The following CDH22 variants were observed in gnomAD, a reference collection of about 807,000 sequenced individuals.
The protein encoded by CDH22 is cadherin-22.
In CDH22, 30 loss-of-function variants were observed where a neutral mutation model predicts 58.4. The observed-to-expected ratio is 0.51, with a 90% CI of 0.38 to 0.70. The LOEUF is 0.70. Among genes scored for constraint, CDH22 ranks in the 30% least tolerant of loss-of-function variants. CDH22 has a pLI of 0.00. For missense variants in CDH22, 1,014 were observed against 1,233.9 expected (o/e 0.82, Z 2.67); for synonymous variants, 513 against 558.2 (o/e 0.92, Z 1.14).
chr20:46,187,178 C>T (rs1600686919), intron 8 of CDH22, among the ~76,000 whole-genome samples: 5 of 152,204 alleles, frequency 3.3e-5, no homozygotes, highest in Admixed American at 3.3e-4. Context: ...ATTATCACTA[C>T]AACGCTTGCC....
intron 4 of CDH22, 52 bp downstream of exon 4, chr20:46,227,456 C>T: frequency 2.3e-6 from 3 of 1,318,594 alleles, no homozygotes; most frequent in Non-Finnish European, 3.2e-6. Context: ...CGTCCCGCCC[C>T]GCCCCTGGCC....
At chr20:46,226,302 T>G (rs1211161838) in intron 4 of CDH22, among the ~76,000 whole-genome samples, 2 of 138,310 alleles carry the variant, frequency 1.4e-5, no homozygotes, top group African/African-American at 5.7e-5. Flanking sequence ...CTTTTTTTTT[T>G]TGAGACAGGG....
intron 8 of CDH22, among the ~76,000 whole-genome samples, chr20:46,191,255 G>A (rs2085860172): frequency 6.6e-6 from 1 of 152,136 alleles, no homozygotes; most frequent in Non-Finnish European, 1.5e-5. Context: ...ATTGTATGAG[G>A]GGGATGGGAA....
In CDH22 at chr20:46,278,327, C is replaced by A. The variant is rs556638569; in HGVS notation, c.-399-26634G>T. Among the ~76,000 whole-genome samples, 8 of 152,318 alleles carry A rather than the reference C, an allele frequency of 5.3e-5. No homozygotes were observed. In the South Asian group the frequency reaches 1.4e-3, roughly 28 times the overall value. On this transcript the variant is annotated intron_variant, in intron 1 of 11. Transcript: ENST00000537909. Reference sequence around the variant, plus strand: ...GGTTCTGTGCATCTCTGGTGCATTGCATGACCTTCAGTGAGTCCTCCCCAC... The same window carrying A: ...GGTTCTGTGCATCTCTGGTGCATTGAATGACCTTCAGTGAGTCCTCCCCAC...
chr20:46,303,686 C>T (rs1050553003), intron 1 of CDH22, among the ~76,000 whole-genome samples: 2 of 151,956 alleles, frequency 1.3e-5, no homozygotes, highest in African/African-American at 4.8e-5. Flanking sequence ...GAAGGTTGTT[C>T]AGGTGGAAGG....
Position 46,279,484 on chromosome 20 carries a change from T to C in CDH22, c.-399-27791A>G, listed in dbSNP as rs117635562. 2.1e-3 allele frequency among the ~76,000 whole-genome samples: 325 copies of C among 152,326 alleles called. 3 individuals are homozygous for C. The highest frequency in any genetic ancestry group is 3.9e-3 in the Non-Finnish European group (262 of 68,032). ...GAACCAGAGCTATATATGACAACAT[T>C]GATAGCTTTCAAAAACGTTGTTGGA... On this transcript the variant is annotated intron_variant, in intron 1 of 11. Coordinates refer to ENST00000537909, the MANE Select transcript of CDH22 (RefSeq NM_021248.3).
At chr20:46,307,164 T>C (rs2086681561) in intron 1 of CDH22, among the ~76,000 whole-genome samples, 1 of 151,860 alleles carries the variant, frequency 6.6e-6, no homozygotes, top group South Asian at 2.1e-4. Context: ...AGAGAAGAGG[T>C]TCCAAGGAGC....
chr20:46,208,845 G>A (rs534172594), intron 7 of CDH22, among the ~76,000 whole-genome samples: 2 of 152,174 alleles, frequency 1.3e-5, no homozygotes, highest in East Asian at 3.9e-4. Flanking sequence ...TGCCCGCCTC[G>A]GCCTCCCAAA....
chr20:46,177,555 C>A (rs1290211735), intron 11 of CDH22, among the ~76,000 whole-genome samples: 1 of 152,154 alleles, frequency 6.6e-6, no homozygotes. Context: ...ACCTCTCTGA[C>A]CCCCAGCGCT....
At chr20:46,179,217 C>T (rs1285338847) in intron 10 of CDH22, among the ~76,000 whole-genome samples, 3 of 152,226 alleles carry the variant, frequency 2.0e-5, no homozygotes, top group Non-Finnish European at 2.9e-5. Context: ...GCTGCCCCTC[C>T]CTTCACAGCC....
rs1050086585 is a variant in CDH22, at chr20:46,215,786, G to C, written c.838+1040C>G. On this transcript the variant is annotated intron_variant, in intron 5 of 11. Coordinates refer to ENST00000537909, the MANE Select transcript of CDH22 (RefSeq NM_021248.3). ...CCAGTTCAGAGCTCATTCAGAGCCTGGCACAAGTGGGCAGAAGACTGGGTG... is the reference window on the plus strand; with the variant it reads ...CCAGTTCAGAGCTCATTCAGAGCCTCGCACAAGTGGGCAGAAGACTGGGTG... 4.6e-5 allele frequency among the ~76,000 whole-genome samples: 7 copies of C among 152,364 alleles called. No individual in the cohort carries two copies. In the South Asian group the frequency reaches 1.4e-3, roughly 32 times the overall value.
chr20:46,213,005 A>G lies in CDH22; in HGVS notation c.1022T>C (p.Val341Ala), dbSNP rs2086055128. The change falls in exon 6 of 12, where the codon GTA becomes GCA. Residue 341 changes from valine (V) to alanine (A), a missense_variant. Around this residue, in one of 2 missense-constraint regions of CDH22, gnomAD observed 806 missense variants for 1,038.7 expected, o/e 0.78. Coordinates refer to ENST00000537909, the MANE Select transcript of CDH22 (RefSeq NM_021248.3). ...CTGAGGCAGCTGCACCTTCTGCACT[A>G]CGATGATGGCCTCCTGAGTGTCGCT... The part of the protein sequence containing the change: ...TDSDTQEAII[V>A]VQKRLDFESQ... The G allele has an allele frequency of 1.9e-6, 3 of 1,613,894 alleles. No homozygotes were observed. The highest frequency in any genetic ancestry group is 2.5e-6 in the Non-Finnish European group (3 of 1,179,920).
rs1014029034 is a variant in CDH22 at position 46,178,349 on chromosome 20, A to G, written c.1664-152T>C. 4 of 822,682 alleles carry G rather than the reference A, an allele frequency of 4.9e-6. No individual in the cohort carries two copies. In the African/African-American group the frequency reaches 5.2e-5, roughly 11 times the overall value. The allele number at this position is 822,682 out of a possible 1,614,324, so 51.0% of individuals were successfully genotyped here. On this transcript the variant is annotated intron_variant, in intron 10 of 11. Transcript: ENST00000537909. ...CATGGGTCTCTTCTCTGATCTCCCA[A>G]AATTCTATTACCAGATGCCTCCAAA...
At chr20:46,197,715 C>T (rs1344387420) in intron 8 of CDH22, among the ~76,000 whole-genome samples, 2 of 152,362 alleles carry the variant, frequency 1.3e-5, no homozygotes, top group East Asian at 3.9e-4. Context: ...ATCTCCCTTT[C>T]ATGCGGTAGA....
chr20:46,265,001 C>T (rs1321738858), intron 1 of CDH22, among the ~76,000 whole-genome samples: 1 of 152,182 alleles, frequency 6.6e-6, no homozygotes, highest in Non-Finnish European at 1.5e-5. Flanking sequence ...CCTCAGGTGC[C>T]CCTGGCCTGC....
chr20:46,218,272 C>T (rs2086099848), intron 4 of CDH22, among the ~76,000 whole-genome samples: 1 of 152,212 alleles, frequency 6.6e-6, no homozygotes, highest in Admixed American at 6.5e-5. Context: ...ATTGCACCTG[C>T]ATTTTCTCAC....
intron 4 of CDH22, among the ~76,000 whole-genome samples, chr20:46,225,190 T>G (rs1252662935): frequency 6.6e-6 from 1 of 152,244 alleles, no homozygotes; most frequent in Non-Finnish European, 1.5e-5. Context: ...GCATGTGCTC[T>G]TTGACCAAGC....
Position 46,215,151 on chromosome 20 carries a change from A to G in CDH22, c.838+1675T>C, listed in dbSNP as rs984636536. 3.0e-4 allele frequency among the ~76,000 whole-genome samples: 46 copies of G among 152,128 alleles called. 1 individual carries two copies. The highest frequency in any genetic ancestry group is 6.6e-5 in the Admixed American group (1 of 15,264). On this transcript the variant is annotated intron_variant, in intron 5 of 11. Coordinates refer to ENST00000537909, the MANE Select transcript of CDH22 (RefSeq NM_021248.3). ...GATGAGTACATCCCATGACCCAGCAATTTCACTCCTCTGTATCCATAGAGA... is the reference window on the plus strand; with the variant it reads ...GATGAGTACATCCCATGACCCAGCAGTTTCACTCCTCTGTATCCATAGAGA...
chr20:46,210,663 T>G lies in CDH22; in HGVS notation c.1033-103A>C. ...GGCGGGGTTGGCCCAAGGTCACACG[T>G]TGTCTCAGCAGGGGCGGCAGGGATG... On this transcript the variant is annotated intron_variant, in intron 6 of 11. Transcript: ENST00000537909. This position sits in a 1 kb window ranked among gnomAD's most constrained non-coding sequence, Gnocchi z 4.5. The G allele has an allele frequency of 8.6e-7, 1 of 1,156,922 alleles. No individual in the cohort carries two copies. The highest frequency in any genetic ancestry group is 1.2e-6 in the Non-Finnish European group (1 of 865,872). The allele number at this position is 1,156,922 out of a possible 1,614,324, so 71.7% of individuals were successfully genotyped here.
Sources: allele counts gnomAD v4.1 joint callset (sites outside exome capture counted in the v4.1 genomes callset), GRCh38; gene constraint gnomAD v4.1.1; regional missense constraint gnomAD v4.1.1; non-coding constraint Gnocchi (gnomAD v3.1); transcripts MANE v1.5; gene names NCBI Gene and HGNC (gene_info 2026-07-23, HGNC 2026-07-21).